The following VPS37A variants were observed in gnomAD, a reference collection of about 807,000 sequenced individuals.
VPS37A encodes vacuolar protein sorting-associated protein 37A.
Under a neutral mutation model 49.8 loss-of-function variants are expected in VPS37A, and 30 were observed. The observed-to-expected ratio is 0.60, with a 90% CI of 0.45 to 0.82. The LOEUF is 0.82. Among genes scored for constraint, VPS37A ranks in the 40% least tolerant of loss-of-function variants. VPS37A has a pLI of 0.00. For synonymous variants in VPS37A, 195 were observed against 160.6 expected (o/e 1.21, Z -1.62); for missense variants, 593 against 464.4 (o/e 1.28, Z -2.55).
At chr8:17,321,615 T>C in the VPS37A span, among the ~76,000 whole-genome samples, 2 of 152,212 alleles carry the variant, frequency 1.3e-5, no homozygotes, top group Non-Finnish European at 2.9e-5. Context: ...ATAAAACTGT[T>C]GGGTTTGTTT....
At chr8:17,311,163 T>C in the VPS37A span, among the ~76,000 whole-genome samples, 1 of 152,202 alleles carries the variant, frequency 6.6e-6, no homozygotes, top group Non-Finnish European at 1.5e-5. Flanking sequence ...TTCTAAAAAG[T>C]CTTCTGTTAC....
the VPS37A span, among the ~76,000 whole-genome samples, chr8:17,325,858 TG>T: frequency 1.3e-5 from 2 of 152,210 alleles, no homozygotes; most frequent in Non-Finnish European, 2.9e-5. Flanking sequence ...AATACTTGCC[TG>T]GCTGACTGAA....
At chr8:17,282,622 A>G (rs1235074529) in intron 9 of VPS37A, among the ~76,000 whole-genome samples, 2 of 152,172 alleles carry the variant, frequency 1.3e-5, no homozygotes, top group African/African-American at 2.4e-5. Flanking sequence ...AAAGGAAACA[A>G]CAGGAAACTG....
At chr8:17,324,095 C>T in the VPS37A span, among the ~76,000 whole-genome samples, 1 of 152,164 alleles carries the variant, frequency 6.6e-6, no homozygotes, top group African/African-American at 2.4e-5. Flanking sequence ...ATGTGACTTA[C>T]CCAGGGAAGG....
intron 4 of VPS37A, among the ~76,000 whole-genome samples, chr8:17,273,912 A>G (rs1018129987): frequency 6.6e-6 from 1 of 152,240 alleles, no homozygotes; most frequent in African/African-American, 2.4e-5. Flanking sequence ...GTAGCATTAC[A>G]TTAATATTTA....
downstream of VPS37A, chr8:17,300,192 A>G (rs1211114232): frequency 1.2e-6 from 2 of 1,612,556 alleles, no homozygotes; most frequent in Admixed American, 1.7e-5. Flanking sequence ...CCTTAGTGCA[A>G]TTTAACTGGA....
In VPS37A at chr8:17,281,119, A is replaced by T. The variant is rs538133045; in HGVS notation, c.969+676A>T. Among the ~76,000 whole-genome samples the T allele has an allele frequency of 2.0e-5, 3 of 152,178 alleles. No homozygotes were observed. In the South Asian group the frequency reaches 6.2e-4, roughly 32 times the overall value. ...AATATAAATTTATAATGAATTTCAG[A>T]TAATACGGTCATTTGTCAGAATAAA... On this transcript the variant is annotated intron_variant, in intron 9 of 11. Transcript: ENST00000324849.
chr8:17,300,405 T>TA, downstream of VPS37A: 1 of 628,444 alleles, frequency 1.6e-6, no homozygotes, highest in Non-Finnish European at 2.7e-6. Context: ...AGGCCTGCTT[T>TA]ATCTCTAATG....
chr8:17,253,142 G>A (rs1362942084), intron 1 of VPS37A, among the ~76,000 whole-genome samples: 3 of 152,128 alleles, frequency 2.0e-5, no homozygotes, highest in Admixed American at 2.0e-4. Flanking sequence ...TGATAAGGCA[G>A]TCATTTCTCC....
downstream of VPS37A, among the ~76,000 whole-genome samples, chr8:17,305,559 G>C (rs1459626851): frequency 6.6e-6 from 1 of 152,104 alleles, no homozygotes; most frequent in East Asian, 1.9e-4. Context: ...AGGAAAAAAT[G>C]AAACTATTTA....
At chr8:17,265,830 T>G (rs1348933931) in intron 1 of VPS37A, 77 bp from the exon 2 acceptor site, 2 of 1,607,756 alleles carry the variant, frequency 1.2e-6, no homozygotes, top group East Asian at 4.5e-5. Flanking sequence ...TTTTAGTAGA[T>G]TCTAGCACTT....
At chr8:17,253,836 A>G (rs549282358) in intron 1 of VPS37A, among the ~76,000 whole-genome samples, 1 of 152,340 alleles carries the variant, frequency 6.6e-6, no homozygotes, top group East Asian at 1.9e-4. Context: ...GAATTTCTCA[A>G]AATCTTTAAT....
chr8:17,265,992 T>C lies in VPS37A; in HGVS notation c.200+11T>C. On this transcript the variant is annotated intron_variant, in intron 2 of 11. Coordinates refer to ENST00000324849, the MANE Select transcript of VPS37A (RefSeq NM_152415.3). Reference sequence around the variant, plus strand: ...AATTAACATTAATATGTGAGTAGAATTGTATCCTACTTTTTCATGTAAAAG... The same window carrying C: ...AATTAACATTAATATGTGAGTAGAACTGTATCCTACTTTTTCATGTAAAAG... 6.2e-7 allele frequency: 1 copy of C among 1,602,994 alleles called. No individual in the cohort carries two copies. Among genetic ancestry groups the C allele is most frequent in the Non-Finnish European group, 8.5e-7 (1 of 1,174,934 alleles).
the VPS37A span, among the ~76,000 whole-genome samples, chr8:17,329,636 A>C: frequency 6.6e-6 from 1 of 152,252 alleles, no homozygotes; most frequent in Non-Finnish European, 1.5e-5. Flanking sequence ...GAAATGACTA[A>C]ATAAAAAATT....
intron 1 of VPS37A, among the ~76,000 whole-genome samples, chr8:17,258,276 C>G (rs370347779): frequency 1.3e-5 from 2 of 152,132 alleles, no homozygotes; most frequent in East Asian, 3.8e-4. Flanking sequence ...ATAATGTCAA[C>G]TGTGGTTTGT....
At chr8:17,248,129 A>G (rs755721456) in intron 1 of VPS37A, 37 of 357,416 alleles carry the variant, frequency 1.0e-4, no homozygotes, top group Admixed American at 3.3e-4. Context: ...TACATTGCAA[A>G]TGTCTATGGT....
chr8:17,298,347 C>G (rs1348409546), downstream of VPS37A: 1 of 151,996 alleles, frequency 6.6e-6, no homozygotes, highest in Non-Finnish European at 1.5e-5. Context: ...ATTACACTTG[C>G]TTTATTTTTT....
intron 1 of VPS37A, among the ~76,000 whole-genome samples, chr8:17,260,994 C>G (rs559838942): frequency 2.0e-5 from 3 of 152,252 alleles, no homozygotes; most frequent in East Asian, 1.9e-4. Flanking sequence ...CTTCCAGTAC[C>G]TGGATATTTA....
At chr8:17,304,005 C>A (rs546464695), downstream of VPS37A, among the ~76,000 whole-genome samples, 132 of 152,246 alleles carry the variant, frequency 8.7e-4, 1 homozygote, top group South Asian at 7.0e-3. Flanking sequence ...ACGGCAAAAA[C>A]CACAATTATT....
Sources: allele counts gnomAD v4.1 joint callset (sites outside exome capture counted in the v4.1 genomes callset), GRCh38; gene constraint gnomAD v4.1.1; transcripts MANE v1.5; gene names NCBI Gene and HGNC (gene_info 2026-07-23, HGNC 2026-07-21).